The following QTGAL variants were observed in gnomAD, a reference collection of about 807,000 sequenced individuals.
QTGAL encodes queuosine-tRNA galactosyltransferase, also known as BGnT-like protein 1.
the QTGAL span, among the ~76,000 whole-genome samples, chr17:83,047,003 G>A: frequency 6.6e-6 from 1 of 152,250 alleles, no homozygotes; most frequent in Non-Finnish European, 1.5e-5. Flanking sequence ...CACATGAAAT[G>A]TCCAGAACAG....
chr17:83,000,758 T>TA, the QTGAL span, among the ~76,000 whole-genome samples: 2 of 152,232 alleles, frequency 1.3e-5, no homozygotes, highest in Non-Finnish European at 1.5e-5. Flanking sequence ...CAAGTGTACG[T>TA]AGGCTGTGCA....
At chr17:82,962,960 A>G in the QTGAL span, among the ~76,000 whole-genome samples, 1 of 151,270 alleles carries the variant, frequency 6.6e-6, no homozygotes, top group African/African-American at 2.4e-5. Context: ...AAATGGCCTC[A>G]CTCCTCCCCC....
chr17:83,048,210 T>C, the QTGAL span, among the ~76,000 whole-genome samples: 2 of 152,100 alleles, frequency 1.3e-5, no homozygotes, highest in African/African-American at 4.8e-5. Context: ...TATTTTTTGG[T>C]AAAGATGGGG....
At chr17:82,998,829 A>G in the QTGAL span, among the ~76,000 whole-genome samples, 2 of 152,234 alleles carry the variant, frequency 1.3e-5, no homozygotes, top group Admixed American at 1.3e-4. Context: ...GGATGTGAAC[A>G]GACACTTTAC....
At chr17:82,957,133 C>T in the QTGAL span, 24 of 1,609,998 alleles carry the variant, frequency 1.5e-5, no homozygotes, top group Non-Finnish European at 1.8e-5. Flanking sequence ...CCCTCAGCCC[C>T]GGAGCAGGTG....
the QTGAL span, chr17:82,981,874 T>A: frequency 6.6e-6 from 1 of 152,306 alleles, no homozygotes; most frequent in East Asian, 1.9e-4. Context: ...TACCGTATTC[T>A]TACAATGAAG....
the QTGAL span, chr17:82,960,927 G>A: frequency 2.7e-5 from 36 of 1,356,036 alleles, no homozygotes; most frequent in Non-Finnish European, 3.5e-5. Flanking sequence ...TGTCCCACCA[G>A]ACCCTGGGTC....
the QTGAL span, among the ~76,000 whole-genome samples, chr17:83,024,752 C>T: frequency 6.6e-6 from 1 of 152,266 alleles, no homozygotes; most frequent in African/African-American, 2.4e-5. Context: ...GCAACATCGG[C>T]ATGCCCTGGT....
the QTGAL span, among the ~76,000 whole-genome samples, chr17:83,042,302 G>A: frequency 6.6e-6 from 1 of 152,226 alleles, no homozygotes; most frequent in Non-Finnish European, 1.5e-5. Flanking sequence ...ACTGGGTGGA[G>A]GTTGCAGTGA....
chr17:83,015,775 A>T, the QTGAL span, among the ~76,000 whole-genome samples: 1 of 152,226 alleles, frequency 6.6e-6, no homozygotes, highest in South Asian at 2.1e-4. The surrounding 1 kb of genome is among the most constrained non-coding windows in gnomAD (Gnocchi z 4.4). Context: ...TGTGAACTGC[A>T]CACGCGAGGA....
the QTGAL span, among the ~76,000 whole-genome samples, chr17:83,040,054 G>C: frequency 6.6e-6 from 1 of 152,194 alleles, no homozygotes; most frequent in Non-Finnish European, 1.5e-5. Context: ...CCACTAGAAA[G>C]TGGGGTGATG....
the QTGAL span, chr17:83,011,487 TAACCACGAAC>T: frequency 6.6e-6 from 1 of 152,246 alleles, no homozygotes; most frequent in Non-Finnish European, 1.5e-5. Flanking sequence ...GTAATTCACG[TAACCACGAAC>T]CAGCAACTGC....
chr17:82,970,685 C>CACATGGCGTGGCCGT, the QTGAL span, among the ~76,000 whole-genome samples: 1 of 76,006 alleles, frequency 1.3e-5, no homozygotes, highest in Admixed American at 1.4e-4. Context: ...GGCCGTGATG[C>CACATGGCGTGGCCGT]GAGGCCTCTG....
the QTGAL span, among the ~76,000 whole-genome samples, chr17:82,953,226 C>A: frequency 9.9e-4 from 150 of 152,006 alleles, no homozygotes; most frequent in African/African-American, 3.5e-3. Flanking sequence ...AAAATCCCTT[C>A]AAAAAAATCA....
the QTGAL span, among the ~76,000 whole-genome samples, chr17:83,040,121 G>T: frequency 3.3e-4 from 51 of 152,316 alleles, no homozygotes; most frequent in South Asian, 0.011. Flanking sequence ...ATGTGTCTCA[G>T]AATCTTCTGG....
At chr17:82,992,238 T>G in the QTGAL span, among the ~76,000 whole-genome samples, 1 of 152,112 alleles carries the variant, frequency 6.6e-6, no homozygotes, top group Non-Finnish European at 1.5e-5. Context: ...CAAAGAAGAC[T>G]ACCTCAAGGC....
At chr17:82,988,117 A>AT in the QTGAL span, among the ~76,000 whole-genome samples, 1 of 152,180 alleles carries the variant, frequency 6.6e-6, no homozygotes, top group African/African-American at 2.4e-5. Context: ...TTGCACATTG[A>AT]TTTTGTATCC....
At chr17:82,974,244 G>A in the QTGAL span, among the ~76,000 whole-genome samples, 4 of 152,194 alleles carry the variant, frequency 2.6e-5, no homozygotes, top group South Asian at 8.3e-4. Flanking sequence ...CACAGGTTTG[G>A]GGAACGCGTG....
the QTGAL span, among the ~76,000 whole-genome samples, chr17:82,946,193 C>T: frequency 6.6e-6 from 1 of 152,082 alleles, no homozygotes; most frequent in Non-Finnish European, 1.5e-5. Context: ...TCAAAATATG[C>T]AAGAATGGCA....
Sources: allele counts gnomAD v4.1 joint callset (sites outside exome capture counted in the v4.1 genomes callset), GRCh38; gene constraint gnomAD v4.1.1; non-coding constraint Gnocchi (gnomAD v3.1); transcripts MANE v1.5; gene names NCBI Gene and HGNC (gene_info 2026-07-23, HGNC 2026-07-21).